KIF27: variants seen among roughly 807,000 people sequenced by gnomAD.
KIF27 encodes kinesin-like protein KIF27.
Under a neutral mutation model 141.8 loss-of-function variants are expected in KIF27, and 84 were observed. The observed-to-expected ratio is 0.59, with a 90% CI of 0.50 to 0.71. The LOEUF (loss-of-function observed/expected upper bound fraction) is 0.71. Ranked by LOEUF, KIF27 falls within the 30% of genes least tolerant of loss-of-function variation. KIF27 has a pLI of 0.00. For synonymous variants in KIF27, 471 were observed against 569.5 expected, an observed-to-expected ratio of 0.83 and a Z score of 2.46; for missense variants, 1,306 against 1,628.4, an observed-to-expected ratio of 0.80 and a Z score of 3.41.
At chr9:83,910,261 G>C (rs1311058806) in intron 2 of KIF27, among the ~76,000 whole-genome samples, 1 of 151,902 alleles carries the variant, frequency 6.6e-6, no homozygotes, top group African/African-American at 2.4e-5. Flanking sequence ...TAAAAATGTT[G>C]GTGCTTTTAG....
At position 83,903,210 on chromosome 9, in the gene KIF27, T is replaced by C. The variant is rs548430317; in HGVS notation, c.1308A>G (p.Gln436=). Residue 436 remains glutamine, a synonymous_variant, in exon 4 of 18, where the codon CAA becomes CAG. Coordinates refer to ENST00000297814, the MANE Select transcript of KIF27 (RefSeq NM_017576.4). ...TGTTAAACCACTCCTGCAGTTTGTGTTGCTGCTTTTCGTTTAGTCTGACAG... is the reference window on the plus strand; with the variant it reads ...TGTTAAACCACTCCTGCAGTTTGTGCTGCTGCTTTTCGTTTAGTCTGACAG... ...KDTVRLNEKQ[Q]HKLQEWFNMI... is the part of the protein sequence containing the mutation. 1.5e-5 allele frequency: 25 copies of C among 1,614,160 alleles called. No homozygotes were observed. The East Asian group carries it at 1.8e-4, about 12-fold the overall frequency.
At chr9:83,908,027 GCTGAGGCAGGCGGA>G (rs1440188759) in intron 3 of KIF27, among the ~76,000 whole-genome samples, 1 of 152,192 alleles carries the variant, frequency 6.6e-6, no homozygotes, top group Non-Finnish European at 1.5e-5. Context: ...ACTTTGGGAG[GCTGAGGCAGGCGGA>G]TCACGAGGTC....
intron 14 of KIF27, among the ~76,000 whole-genome samples, chr9:83,856,410 C>A (rs1185869158): frequency 7.2e-5 from 11 of 151,890 alleles, no homozygotes; most frequent in African/African-American, 2.7e-4. Context: ...AGTTCGAGAC[C>A]AGCCTGACCA....
intron 17 of KIF27, among the ~76,000 whole-genome samples, chr9:83,841,521 A>T (rs1248025087): frequency 6.6e-6 from 1 of 152,242 alleles, no homozygotes; most frequent in Non-Finnish European, 1.5e-5. Context: ...TTTAAAGTCA[A>T]CTTTTCATAA....
chr9:83,862,896 T>C (rs1950056637), intron 13 of KIF27, among the ~76,000 whole-genome samples: 2 of 152,230 alleles, frequency 1.3e-5, no homozygotes, highest in Non-Finnish European at 2.9e-5. Flanking sequence ...TTCACATCCC[T>C]GGTAAGTTGG....
intron 12 of KIF27, among the ~76,000 whole-genome samples, chr9:83,869,715 A>T (rs1950617826): frequency 6.6e-6 from 1 of 152,164 alleles, no homozygotes; most frequent in Admixed American, 6.5e-5. Context: ...TGACAGAGCG[A>T]GACTCTGTCT....
intron 8 of KIF27, among the ~76,000 whole-genome samples, chr9:83,887,489 G>C (rs1416403274): frequency 6.6e-6 from 1 of 152,134 alleles, no homozygotes; most frequent in African/African-American, 2.4e-5. Flanking sequence ...AGTTATTTGA[G>C]ATAGGTATAA....
chr9:83,868,976 G>A (rs114425204), intron 12 of KIF27, among the ~76,000 whole-genome samples: 22,747 of 149,900 alleles, frequency 0.15, 1,963 homozygotes, highest in African/African-American at 0.22. Flanking sequence ...TAAATACTCC[G>A]GTAGGAGATC....
chr9:83,910,179 C>T (rs1397104570), intron 2 of KIF27, among the ~76,000 whole-genome samples: 1 of 151,568 alleles, frequency 6.6e-6, no homozygotes, highest in Non-Finnish European at 1.5e-5. Flanking sequence ...CATCATTCTA[C>T]ACAAAGGGCT....
At chr9:83,894,306 C>G (rs1468663699) in intron 5 of KIF27, among the ~76,000 whole-genome samples, 1 of 152,196 alleles carries the variant, frequency 6.6e-6, no homozygotes, top group Non-Finnish European at 1.5e-5. Context: ...ATAGGACAAA[C>G]TTACTGACAA....
At chr9:83,876,018 A>C (rs1357201335) in intron 11 of KIF27, among the ~76,000 whole-genome samples, 1 of 152,206 alleles carries the variant, frequency 6.6e-6, no homozygotes, top group Non-Finnish European at 1.5e-5. Context: ...AAAAAGTTGA[A>C]AATAAGAAAA....
intron 3 of KIF27, among the ~76,000 whole-genome samples, chr9:83,906,023 G>C (rs1029969412): frequency 3.3e-5 from 5 of 152,194 alleles, no homozygotes; most frequent in African/African-American, 1.2e-4. Context: ...AGTTTATCAA[G>C]AGTGATGGTG....
Position 83,870,505 on chromosome 9 carries a change from T to C in KIF27, c.2757+14A>G, listed in dbSNP as rs1564342139. 2 of 1,613,466 alleles carry C rather than the reference T, an allele frequency of 1.2e-6. No individual in the cohort carries two copies. Among genetic ancestry groups the C allele is most frequent in the Non-Finnish European group, 1.7e-6 (2 of 1,179,614 alleles). ...TGAAGAGAAACCAGGAAACACTAAA[T>C]AGAATTGACAAACCTGGAGATGGTC... On this transcript the variant is annotated intron_variant, in intron 12 of 17. Transcript: ENST00000297814.
chr9:83,875,481 G>C (rs1301076935), intron 11 of KIF27, among the ~76,000 whole-genome samples: 1 of 152,046 alleles, frequency 6.6e-6, no homozygotes, highest in Admixed American at 6.6e-5. Flanking sequence ...GAACAGACTT[G>C]GGATTAAGCA....
At position 83,899,863 on chromosome 9, in the gene KIF27, T is replaced by C. The variant is rs566158791; in HGVS notation, c.1459-59A>G. The C allele has an allele frequency of 6.8e-5, 97 of 1,431,308 alleles. 2 individuals are homozygous for C. In the South Asian group the frequency reaches 1.2e-3, roughly 17 times the overall value. The allele number at this position is 1,431,308 out of a possible 1,614,324, so 88.7% of individuals were successfully genotyped here. On this transcript the variant is annotated intron_variant, in intron 4 of 17. Coordinates refer to ENST00000297814, the MANE Select transcript of KIF27 (RefSeq NM_017576.4). ...CACAGAAAATAATCAAGAAACCCCA[T>C]ATGATAACACAAAAATGGTGATTTG...
chr9:83,863,566 G>T (rs1950114231), intron 13 of KIF27: 1 of 152,196 alleles, frequency 6.6e-6, no homozygotes, highest in Non-Finnish European at 1.5e-5. Context: ...TGTGCTGCTG[G>T]ATTCGGTTTG....
intron 13 of KIF27, chr9:83,863,659 A>G (rs1950124504): frequency 6.6e-6 from 1 of 152,168 alleles, no homozygotes; most frequent in African/African-American, 2.4e-5. Flanking sequence ...TGTCTCTGCC[A>G]GGCTTTGTTA....
chr9:83,915,291 T>C lies in KIF27; in HGVS notation c.298+3A>G. ...TAAAAGTCAAAGAGTATAAGAATCT[T>C]ACCAATATGGCCCCCTCCAATGGTG... is the stretch of plus-strand genomic sequence containing the variant. On this transcript the variant is annotated splice_donor_region_variant and intron_variant, in intron 2 of 17. Transcript: ENST00000297814. 6.3e-7 allele frequency: 1 copy of C among 1,584,070 alleles called. No individual in the cohort carries two copies. Among genetic ancestry groups the C allele is most frequent in the South Asian group, 1.2e-5 (1 of 86,214 alleles).
At chr9:83,841,271 A>C (rs1456423580) in intron 17 of KIF27, among the ~76,000 whole-genome samples, 1 of 152,148 alleles carries the variant, frequency 6.6e-6, no homozygotes, top group Non-Finnish European at 1.5e-5. Context: ...GGGTTTCACC[A>C]TGTTGGTCAG....
Sources: gnomAD v4.1 joint callset for allele counts (sites outside exome capture counted in the v4.1 genomes callset) on GRCh38, gnomAD v4.1.1 for gene constraint, MANE v1.5 for transcripts, NCBI Gene and HGNC (gene_info 2026-07-23, HGNC 2026-07-21) for gene names.